Variants in STK24 observed in about 807,000 individuals in gnomAD.
STK24 encodes the protein serine/threonine kinase 24, also known as serine/threonine-protein kinase 24.
Under a neutral mutation model 55.6 loss-of-function variants are expected in STK24, and 21 were observed. The ratio of observed to expected loss-of-function variants is 0.38; its 90% confidence interval spans 0.27 to 0.54. The LOEUF (loss-of-function observed/expected upper bound fraction) is 0.54. Ranked by LOEUF, STK24 falls within the 20% of genes least tolerant of loss-of-function variation. STK24 has a pLI of 0.79. For synonymous variants in STK24, 200 were observed against 215.2 expected, an observed-to-expected ratio of 0.93 and a Z score of 0.62; for missense variants, 383 against 538.4, an observed-to-expected ratio of 0.71 and a Z score of 2.86.
chr13:98,526,099 G>A (rs1896420307), intron 1 of STK24, among the ~76,000 whole-genome samples: 1 of 152,134 alleles, frequency 6.6e-6, no homozygotes, highest in Non-Finnish European at 1.5e-5. Context: ...AGGAGCATTG[G>A]CAGTATGCTG....
chr13:98,517,703 T>C (rs1784361513), intron 2 of STK24, among the ~76,000 whole-genome samples: 1 of 152,220 alleles, frequency 6.6e-6, no homozygotes, highest in Non-Finnish European at 1.5e-5. Context: ...GCTTTCGTTT[T>C]TGCTGTGTCA....
intron 1 of STK24, among the ~76,000 whole-genome samples, chr13:98,556,651 T>G (rs1441767689): frequency 6.6e-6 from 1 of 152,178 alleles, no homozygotes; most frequent in Non-Finnish European, 1.5e-5. Flanking sequence ...GCAGCACCAC[T>G]GGAAGCCCAG....
At chr13:98,548,090 A>G (rs1897071608) in intron 1 of STK24, among the ~76,000 whole-genome samples, 1 of 152,182 alleles carries the variant, frequency 6.6e-6, no homozygotes, top group Non-Finnish European at 1.5e-5. Context: ...GGCCAGGTGC[A>G]TGTGGCTTCA....
At chr13:98,538,311 G>A (rs1033680642) in intron 1 of STK24, among the ~76,000 whole-genome samples, 1 of 130,660 alleles carries the variant, frequency 7.7e-6, no homozygotes, top group Non-Finnish European at 1.5e-5. Context: ...TGAAACCTCC[G>A]CCTCCCAGGT....
chr13:98,475,708 C>A (rs1894343867), intron 3 of STK24, among the ~76,000 whole-genome samples: 1 of 152,160 alleles, frequency 6.6e-6, no homozygotes, highest in Non-Finnish European at 1.5e-5. Flanking sequence ...AGCCCACGAC[C>A]CGGCCTGCGC....
intron 2 of STK24, among the ~76,000 whole-genome samples, chr13:98,513,894 T>C (rs1895968547): frequency 6.6e-6 from 1 of 152,138 alleles, no homozygotes; most frequent in South Asian, 2.1e-4. Context: ...GAAACTAACA[T>C]AATAACCCAT....
chr13:98,576,381 G>A (rs1682362648), intron 1 of STK24, among the ~76,000 whole-genome samples: 1 of 152,024 alleles, frequency 6.6e-6, no homozygotes, highest in South Asian at 2.1e-4. Context: ...GGGACCCGGC[G>A]GGGGCCTCCA....
intron 3 of STK24, among the ~76,000 whole-genome samples, chr13:98,478,107 A>C (rs951952124): frequency 5.3e-5 from 8 of 152,216 alleles, no homozygotes; most frequent in Non-Finnish European, 1.0e-4. Context: ...TACCCCCCAG[A>C]GTGCCTCATG....
At chr13:98,507,187 G>A (rs1349094084) in intron 2 of STK24, among the ~76,000 whole-genome samples, 1 of 152,240 alleles carries the variant, frequency 6.6e-6, no homozygotes, top group East Asian at 1.9e-4. Context: ...ACCCTCTGTA[G>A]AAGGAGAACA....
chr13:98,502,545 G>C lies in STK24; in HGVS notation c.273+16698C>G, dbSNP rs536740431. Among the ~76,000 whole-genome samples, 50 of 152,312 alleles carry C rather than the reference G, an allele frequency of 3.3e-4. 1 individual carries two copies. In the South Asian group the frequency reaches 0.01, roughly 32 times the overall value. On this transcript the variant is annotated intron_variant, in intron 2 of 10. Coordinates refer to ENST00000539966, the MANE Select transcript of STK24 (RefSeq NM_001032296.4). Reference sequence around the variant, plus strand: ...TTATAAGAGGTACTTGGGTCATAAGGACGGAGCCCTCATGAATGTATTAAT... The same window carrying C: ...TTATAAGAGGTACTTGGGTCATAAGCACGGAGCCCTCATGAATGTATTAAT...
intron 9 of STK24, among the ~76,000 whole-genome samples, chr13:98,458,071 C>A (rs1431594672): frequency 6.6e-6 from 1 of 152,184 alleles, no homozygotes; most frequent in Admixed American, 6.5e-5. Context: ...CCTTTGTGAT[C>A]CAGAGTAGAG....
chr13:98,554,743 G>A (rs532590097), intron 1 of STK24, among the ~76,000 whole-genome samples: 12 of 152,166 alleles, frequency 7.9e-5, no homozygotes, highest in South Asian at 2.1e-4. Flanking sequence ...GGCCAGGCGC[G>A]GTGGCTCACA....
At position 98,466,387 on chromosome 13, in the gene STK24, C is replaced by A; in HGVS notation, c.772G>T (p.Glu258Ter). ...CCTGGGAAACTTACAAAGCTCGGCT[C>A]CTTATTCAAACAGGCCTCCACAAAC... ...KEFVEACLNKEPSFRPTAKEL... is the reference protein window; with the variant it reads ...KEFVEACLNK The change falls in exon 6 of 11, where the codon GAG (glutamate) becomes TAG (stop). Residue 258 changes from glutamate (E) to a stop codon, truncating the protein, a stop_gained. Coordinates refer to ENST00000539966, the MANE Select transcript of STK24 (RefSeq NM_001032296.4). LOFTEE classifies it high-confidence loss of function. 1 of 1,612,344 alleles carries A rather than the reference C, an allele frequency of 6.2e-7. No homozygotes were observed. Among genetic ancestry groups the A allele is most frequent in the Non-Finnish European group, 8.5e-7 (1 of 1,179,994 alleles).
At chr13:98,542,849 T>C (rs1193996117) in intron 1 of STK24, 4 of 979,582 alleles carry the variant, frequency 4.1e-6, no homozygotes, top group Admixed American at 6.4e-5. Context: ...TTACCCTGTA[T>C]GTCCGTAAGA....
chr13:98,567,944 G>A (rs9513449), intron 1 of STK24, among the ~76,000 whole-genome samples: 22,771 of 74,266 alleles, frequency 0.31, 2,016 homozygotes, highest in Non-Finnish European at 0.36. Flanking sequence ...AAAAAAAAAA[G>A]GGGGGGGGTG....
At chr13:98,466,334 G>A in intron 6 of STK24, 42 bp downstream of exon 6, 1 of 1,591,638 alleles carries the variant, frequency 6.3e-7, no homozygotes. Flanking sequence ...ACCAAGTCAA[G>A]CCGCACATGA....
chr13:98,572,152 A>G (rs1230727214), intron 1 of STK24, among the ~76,000 whole-genome samples: 1 of 152,208 alleles, frequency 6.6e-6, no homozygotes, highest in Non-Finnish European at 1.5e-5. Context: ...CTTAGAGCAC[A>G]TGCCCCAAAG....
chr13:98,459,518 C>T (rs1197311467), intron 9 of STK24, among the ~76,000 whole-genome samples: 5 of 152,230 alleles, frequency 3.3e-5, no homozygotes, highest in Admixed American at 1.3e-4. Context: ...CTGGCAGGAC[C>T]GTGGCTGGCC....
At chr13:98,545,261 AG>A (rs1392358587) in intron 1 of STK24, among the ~76,000 whole-genome samples, 10 of 152,234 alleles carry the variant, frequency 6.6e-5, no homozygotes, top group Non-Finnish European at 1.3e-4. Flanking sequence ...GCACTGTCCC[AG>A]TTGTTAGCAA....
Sources: allele counts gnomAD v4.1 joint callset (sites outside exome capture counted in the v4.1 genomes callset), GRCh38; gene constraint gnomAD v4.1.1; transcripts MANE v1.5; gene names NCBI Gene and HGNC (gene_info 2026-07-23, HGNC 2026-07-21).